The following MGAT4C variants were observed in gnomAD, a reference collection of about 807,000 sequenced individuals.
The protein encoded by MGAT4C is MGAT4 family member C, also known as alpha-1,3-mannosyl-glycoprotein 4-beta-N-acetylglucosaminyltransferase C.
MGAT4C carries 19 observed loss-of-function variants against 40.1 expected under a neutral mutation model. The observed-to-expected ratio is 0.47, with a 90% CI of 0.33 to 0.70. The LOEUF is 0.70. Ranked by LOEUF, MGAT4C falls within the 30% of genes least tolerant of loss-of-function variation. The probability of loss-of-function intolerance (pLI) is 0.02; values close to 1 mark genes in which losing one functional copy is unlikely to be tolerated. For missense variants in MGAT4C, 491 were observed against 563.2 expected (o/e 0.87, Z 1.30); for synonymous variants, 181 against 187.1 (o/e 0.97, Z 0.27).
intron 4 of MGAT4C, among the ~76,000 whole-genome samples, chr12:86,325,360 T>G (rs1219436756): frequency 6.6e-6 from 1 of 152,126 alleles, no homozygotes. Context: ...TATTTAGAAC[T>G]TAGTAGAGCT....
intron 1 of MGAT4C, among the ~76,000 whole-genome samples, chr12:86,087,273 C>A (rs1872043216): frequency 6.6e-6 from 1 of 151,938 alleles, no homozygotes; most frequent in South Asian, 2.1e-4. Flanking sequence ...ACTTAATTTT[C>A]CAGTTATTTT....
At chr12:86,151,384 G>A (rs576657252) in intron 1 of MGAT4C, among the ~76,000 whole-genome samples, 15 of 152,200 alleles carry the variant, frequency 9.9e-5, no homozygotes, top group Admixed American at 2.0e-4. Flanking sequence ...AGGCCGAGGC[G>A]GGTGGATCAC....
intron 1 of MGAT4C, among the ~76,000 whole-genome samples, chr12:86,186,615 T>C (rs1447165515): frequency 1.3e-5 from 2 of 152,158 alleles, no homozygotes; most frequent in African/African-American, 4.8e-5. Flanking sequence ...CACTCATCTT[T>C]AATCATGGGA....
intron 2 of MGAT4C, among the ~76,000 whole-genome samples, chr12:86,551,739 C>T (rs917338749): frequency 6.6e-6 from 1 of 152,136 alleles, no homozygotes; most frequent in African/African-American, 2.4e-5. Context: ...TGAGAAACAG[C>T]CTAATAAGGC....
intron 1 of MGAT4C, among the ~76,000 whole-genome samples, chr12:86,229,864 A>T (rs1951243465): frequency 6.6e-6 from 1 of 152,090 alleles, no homozygotes; most frequent in Non-Finnish European, 1.5e-5. Context: ...TAAAAAACAC[A>T]ATATGGATAT....
chr12:86,341,399 C>G (rs1011389006), intron 3 of MGAT4C, among the ~76,000 whole-genome samples: 1 of 152,138 alleles, frequency 6.6e-6, no homozygotes, highest in Non-Finnish European at 1.5e-5. Flanking sequence ...AACCATGGAG[C>G]CTTAGATACT....
At chr12:86,729,661 A>AT (rs1289645578) in intron 1 of MGAT4C, among the ~76,000 whole-genome samples, 1 of 152,044 alleles carries the variant, frequency 6.6e-6, no homozygotes, top group Non-Finnish European at 1.5e-5. Flanking sequence ...AACAAAAAAA[A>AT]CTGTGGAAAC....
chr12:86,424,900 G>A (rs61949520), intron 3 of MGAT4C, among the ~76,000 whole-genome samples: 14,974 of 151,990 alleles, frequency 0.099, 993 homozygotes, highest in Middle Eastern at 0.25. Flanking sequence ...GGGACTACAG[G>A]TGCGTGCTCC....
At chr12:86,040,535 AG>A (rs1362837949) in intron 2 of MGAT4C, among the ~76,000 whole-genome samples, 17 of 152,216 alleles carry the variant, frequency 1.1e-4, no homozygotes, top group South Asian at 8.3e-4. Context: ...TTGCACTGTG[AG>A]TGTAAAACTG....
intron 4 of MGAT4C, among the ~76,000 whole-genome samples, chr12:86,288,890 T>C (rs1423625712): frequency 6.6e-6 from 1 of 152,228 alleles, no homozygotes; most frequent in Non-Finnish European, 1.5e-5. Flanking sequence ...TAATCTCTTT[T>C]GCTTTGTAGA....
chr12:86,679,897 T>C (rs992150978), intron 2 of MGAT4C, among the ~76,000 whole-genome samples: 1 of 152,068 alleles, frequency 6.6e-6, no homozygotes, highest in Non-Finnish European at 1.5e-5. Flanking sequence ...GGATCTGCCA[T>C]ATAAAGAGAA....
At chr12:86,088,494 A>T (rs1430350942) in intron 1 of MGAT4C, among the ~76,000 whole-genome samples, 1 of 152,084 alleles carries the variant, frequency 6.6e-6, no homozygotes, top group Admixed American at 6.6e-5. Flanking sequence ...AAAGTCTAAT[A>T]TCTGGAATCT....
At chr12:86,521,055 C>CAG (rs1199233989) in intron 2 of MGAT4C, among the ~76,000 whole-genome samples, 1 of 152,118 alleles carries the variant, frequency 6.6e-6, no homozygotes, top group African/African-American at 2.4e-5. Flanking sequence ...TTTTGCTGTG[C>CAG]AGAAGCTCTT....
intron 3 of MGAT4C, among the ~76,000 whole-genome samples, chr12:86,348,673 G>A (rs1471632532): frequency 3.9e-5 from 6 of 152,052 alleles, no homozygotes; most frequent in Non-Finnish European, 7.4e-5. Context: ...GTAGCTTTCT[G>A]TATGAATCTC....
intron 1 of MGAT4C, among the ~76,000 whole-genome samples, chr12:86,053,927 A>C (rs1284494754): frequency 1.3e-5 from 2 of 151,998 alleles, no homozygotes; most frequent in African/African-American, 4.8e-5. Flanking sequence ...CCACCATAAA[A>C]AAAGATGAAA....
intron 1 of MGAT4C, among the ~76,000 whole-genome samples, chr12:86,821,996 G>A (rs1208474929): frequency 2.7e-5 from 4 of 150,806 alleles, no homozygotes; most frequent in Non-Finnish European, 5.9e-5. Context: ...AATGATAACT[G>A]AAATATGTTT....
chr12:86,493,861 G>C (rs1173732922), intron 2 of MGAT4C, among the ~76,000 whole-genome samples: 1 of 151,966 alleles, frequency 6.6e-6, no homozygotes, highest in Non-Finnish European at 1.5e-5. Context: ...TGTGCTTATA[G>C]AAAACCGTAT....
chr12:86,462,259 C>A (rs1957613140), intron 2 of MGAT4C, among the ~76,000 whole-genome samples: 2 of 152,010 alleles, frequency 1.3e-5, no homozygotes, highest in Non-Finnish European at 2.9e-5. Flanking sequence ...AGGATGTATC[C>A]AGAAGAGTTT....
At chr12:86,606,232 A>ACCC (rs1962041869) in intron 2 of MGAT4C, among the ~76,000 whole-genome samples, 1 of 152,138 alleles carries the variant, frequency 6.6e-6, no homozygotes, top group Admixed American at 6.6e-5. Flanking sequence ...GTGGGGATGC[A>ACCC]AAGCTTAACC....
Sources: gnomAD v4.1 joint callset for allele counts (sites outside exome capture counted in the v4.1 genomes callset) on GRCh38, gnomAD v4.1.1 for gene constraint, MANE v1.5 for transcripts, NCBI Gene and HGNC (gene_info 2026-07-23, HGNC 2026-07-21) for gene names.